GDPD1: variants seen among roughly 807,000 people sequenced by gnomAD.
GDPD1 encodes glycerophosphodiester phosphodiesterase domain containing 1, also known as lysophospholipase D GDPD1.
A neutral mutation model predicts 45.1 loss-of-function variants in GDPD1; 28 were observed. The ratio of observed to expected loss-of-function variants is 0.62; its 90% CI spans 0.46 to 0.85. The LOEUF is 0.85. Among genes scored for constraint, GDPD1 ranks in the 40% least tolerant of loss-of-function variants. The pLI, the probability that GDPD1 is intolerant of heterozygous loss-of-function variation, is 0.00. For synonymous variants in GDPD1, 139 were observed against 131.4 expected (o/e 1.06, Z -0.40); for missense variants, 256 against 364.8 (o/e 0.70, Z 2.43).
At chr17:59,245,827 T>C (rs1376484297) in intron 3 of GDPD1, among the ~76,000 whole-genome samples, 1 of 151,762 alleles carries the variant, frequency 6.6e-6, no homozygotes. Flanking sequence ...TTCATTAAAA[T>C]ATAGGAAAAT....
chr17:59,245,066 A>C (rs967810117), intron 2 of GDPD1, among the ~76,000 whole-genome samples: 2 of 152,222 alleles, frequency 1.3e-5, no homozygotes, highest in African/African-American at 4.8e-5. Context: ...ATTTTATAGA[A>C]GTGAAAATGT....
chr17:59,246,709 C>CAAA lies in GDPD1; in HGVS notation c.321+1181_321+1183dup, dbSNP rs749077536. 5.6e-3 allele frequency among the ~76,000 whole-genome samples: 155 copies of CAAA among 27,496 alleles called. 32 individuals are homozygous for CAAA. The highest frequency in any genetic ancestry group is 0.016 in the African/African-American group (104 of 6,324). The allele number at this position is 27,496 out of a possible 152,430, so 18.0% of individuals were successfully genotyped here. A position where few individuals can be genotyped will look rare whatever the true frequency, so the allele number is the denominator to read the frequency against. Reference sequence around the variant, plus strand: ...GGTTGAAAAGAGCGAGACTCCATCTCAAAAAAAAAAAAAAAAAAAAAAAGA... The same window carrying CAAA: ...GGTTGAAAAGAGCGAGACTCCATCTCAAAAAAAAAAAAAAAAAAAAAAAAAAGA... On this transcript the variant is annotated intron_variant, in intron 3 of 9. Transcript: ENST00000284116.
chr17:59,255,799 ATATATATATATACGCG>A (rs1305092589), intron 4 of GDPD1, among the ~76,000 whole-genome samples: 4 of 81,414 alleles, frequency 4.9e-5, no homozygotes, highest in South Asian at 8.3e-4. Context: ...GTATATATGT[ATATATATATATACGCG>A]TATATATATA....
chr17:59,238,705 A>G (rs1425750503), intron 2 of GDPD1, among the ~76,000 whole-genome samples: 1 of 152,100 alleles, frequency 6.6e-6, no homozygotes, highest in African/African-American at 2.4e-5. Context: ...GAGCCACCGC[A>G]CCCAGCCTTG....
Position 59,245,378 on chromosome 17 carries a change from TAAG to T in GDPD1, c.186-35_186-33del, listed in dbSNP as rs775014006. 3.2e-6 allele frequency: 5 copies of T among 1,582,044 alleles called. No homozygotes were observed. In the South Asian group the frequency reaches 5.7e-5, roughly 18 times the overall value. On this transcript the variant is annotated intron_variant, in intron 2 of 9. Coordinates refer to ENST00000284116, the MANE Select transcript of GDPD1 (RefSeq NM_182569.4). ...CATGCATGTAACCCAAATGTATACT[TAAG>T]TGTCAGATGTCATTCTTCTTTTATT...
chr17:59,245,830 A>G (rs186049103), intron 3 of GDPD1, among the ~76,000 whole-genome samples: 89 of 152,180 alleles, frequency 5.8e-4, no homozygotes, highest in Admixed American at 3.3e-3. Context: ...ATTAAAATAT[A>G]GGAAAATTGG....
At chr17:59,223,630 T>G (rs2047023062) in intron 1 of GDPD1, among the ~76,000 whole-genome samples, 1 of 152,210 alleles carries the variant, frequency 6.6e-6, no homozygotes, top group Non-Finnish European at 1.5e-5. Flanking sequence ...TCCCTATAAG[T>G]AAGGAAACAG....
intron 1 of GDPD1, among the ~76,000 whole-genome samples, chr17:59,228,565 A>C (rs1222578169): frequency 2.6e-5 from 4 of 152,102 alleles, no homozygotes; most frequent in Non-Finnish European, 2.9e-5. Context: ...CCTTTGACAA[A>C]TAAGTGGATA....
chr17:59,240,698 T>C (rs2047169359), intron 2 of GDPD1, among the ~76,000 whole-genome samples: 1 of 152,296 alleles, frequency 6.6e-6, no homozygotes, highest in South Asian at 2.1e-4. Flanking sequence ...CTCCAACTCC[T>C]GACCTCAAGC....
chr17:59,264,261 A>G (rs2047381523), intron 6 of GDPD1, among the ~76,000 whole-genome samples: 2 of 151,752 alleles, frequency 1.3e-5, no homozygotes, highest in South Asian at 4.2e-4. Flanking sequence ...CAGCCTCCCA[A>G]AGTGTCGGGA....
At chr17:59,234,291 C>T (rs928076328) in intron 1 of GDPD1, among the ~76,000 whole-genome samples, 1 of 151,276 alleles carries the variant, frequency 6.6e-6, no homozygotes, top group African/African-American at 2.4e-5. Flanking sequence ...GCGGAGCTTG[C>T]AGTCAGCCGA....
rs1469426405 is a variant in GDPD1 at position 59,257,778 on chromosome 17, C to T, written c.514C>T (p.Arg172Ter). ...TTCAGAGTTGGTGAAGCGGTATAAT[C>T]GAGAACACTTAACAGTGTGGGGTAA... is the stretch of plus-strand genomic sequence containing the variant. ...KVSELVKRYN[R>*]EHLTVWGNAN... is the part of the protein sequence containing the mutation. The change falls in exon 6 of 10, where the codon CGA (arginine) becomes TGA (stop). Residue 172 changes from arginine to a stop codon, truncating the protein, a stop_gained. Coordinates refer to ENST00000284116, the MANE Select transcript of GDPD1 (RefSeq NM_182569.4). LOFTEE classifies it high-confidence loss of function. The T allele has an allele frequency of 6.2e-7, 1 of 1,606,054 alleles. No individual in the cohort carries two copies. Among genetic ancestry groups the T allele is most frequent in the Non-Finnish European group, 8.5e-7 (1 of 1,177,024 alleles).
At chr17:59,271,682 G>T (rs538309766) in intron 8 of GDPD1, among the ~76,000 whole-genome samples, 241 of 149,030 alleles carry the variant, frequency 1.6e-3, no homozygotes, top group Non-Finnish European at 3.0e-3. Flanking sequence ...TTTCTCTGTC[G>T]CCCAGGCTGG....
intron 3 of GDPD1, among the ~76,000 whole-genome samples, chr17:59,246,264 T>C (rs1339822852): frequency 2.6e-5 from 4 of 152,128 alleles, no homozygotes; most frequent in Admixed American, 2.6e-4. Context: ...CCTTTTATGT[T>C]TTTTAGATTT....
At chr17:59,269,114 T>C (rs1264806574) in intron 7 of GDPD1, among the ~76,000 whole-genome samples, 1 of 151,990 alleles carries the variant, frequency 6.6e-6, no homozygotes, top group East Asian at 1.9e-4. Flanking sequence ...CTAGCCAACA[T>C]GGTGAAACCC....
intron 2 of GDPD1, among the ~76,000 whole-genome samples, chr17:59,234,912 A>T (rs1388268647): frequency 6.6e-6 from 1 of 152,046 alleles, no homozygotes; most frequent in Non-Finnish European, 1.5e-5. Flanking sequence ...TGTACCCAGT[A>T]ATTTTTGTAC....
intron 2 of GDPD1, among the ~76,000 whole-genome samples, chr17:59,241,992 G>A (rs1354358822): frequency 6.6e-6 from 1 of 152,132 alleles, no homozygotes; most frequent in Non-Finnish European, 1.5e-5. Flanking sequence ...AATTTACTAT[G>A]ATGAGGTTGA....
At chr17:59,255,152 A>G (rs2047286379) in intron 4 of GDPD1, among the ~76,000 whole-genome samples, 1 of 152,046 alleles carries the variant, frequency 6.6e-6, no homozygotes, top group Non-Finnish European at 1.5e-5. Context: ...CTTTATTTTG[A>G]TTTGCCATAT....
At chr17:59,263,994 A>AATTTT (rs1221591898) in intron 6 of GDPD1, among the ~76,000 whole-genome samples, 1 of 151,656 alleles carries the variant, frequency 6.6e-6, no homozygotes, top group Non-Finnish European at 1.5e-5. Flanking sequence ...TTTTTAATTT[A>AATTTT]ATTTTATTTT....
Sources: gnomAD v4.1 joint callset for allele counts (sites outside exome capture counted in the v4.1 genomes callset) on GRCh38, gnomAD v4.1.1 for gene constraint, MANE v1.5 for transcripts, NCBI Gene and HGNC (gene_info 2026-07-23, HGNC 2026-07-21) for gene names.